BAIAP2: variants seen among roughly 807,000 people sequenced by gnomAD.
The protein encoded by BAIAP2 is BAR/IMD domain-containing adapter protein 2.
Under a neutral mutation model 63.0 loss-of-function variants are expected in BAIAP2, and 18 were observed. The ratio of observed to expected loss-of-function variants is 0.29; its 90% CI spans 0.20 to 0.42. BAIAP2 has a LOEUF of 0.42. Among genes scored for constraint, BAIAP2 ranks in the 10% least tolerant of loss-of-function variants. The pLI is 1.00. For synonymous variants in BAIAP2, 386 were observed against 307.6 expected (o/e 1.25, Z -2.67); for missense variants, 610 against 734.3 (o/e 0.83, Z 1.96).
chr17:81,097,116 C>T lies in BAIAP2; in HGVS notation c.490-2812C>T, dbSNP rs144220949. 4.1e-3 allele frequency among the ~76,000 whole-genome samples: 627 copies of T among 152,340 alleles called. 1 individual carries two copies. Among genetic ancestry groups the T allele is most frequent in the Non-Finnish European group, 6.6e-3 (449 of 68,028 alleles). Reference sequence around the variant, plus strand: ...ATCAAACTTCTCACTTCCTAAATGCCATCTCAGGTCCCCTTTAGGTGACCC... The same window carrying T: ...ATCAAACTTCTCACTTCCTAAATGCTATCTCAGGTCCCCTTTAGGTGACCC... On this transcript the variant is annotated intron_variant, in intron 6 of 13. Coordinates refer to ENST00000428708, the MANE Select transcript of BAIAP2 (RefSeq NM_001144888.2).
chr17:81,052,608 C>T (rs372515377), intron 1 of BAIAP2, among the ~76,000 whole-genome samples: 22 of 152,368 alleles, frequency 1.4e-4, no homozygotes, highest in African/African-American at 4.3e-4. Context: ...ATGGAACACT[C>T]GTCAAATAGC....
At chr17:81,041,447 G>A (rs1311444013) in intron 1 of BAIAP2, among the ~76,000 whole-genome samples, 1 of 152,240 alleles carries the variant, frequency 6.6e-6, no homozygotes, top group East Asian at 1.9e-4. Context: ...TTGGGGGAAA[G>A]GCTGTCAGTT....
At chr17:81,051,090 C>T (rs1048758207) in intron 1 of BAIAP2, among the ~76,000 whole-genome samples, 17 of 151,930 alleles carry the variant, frequency 1.1e-4, no homozygotes, top group Admixed American at 3.9e-4. Flanking sequence ...CTCCCTGCCC[C>T]GGCTCCCAGG....
chr17:81,040,956 A>G (rs2046994967), intron 1 of BAIAP2, among the ~76,000 whole-genome samples: 1 of 152,190 alleles, frequency 6.6e-6, no homozygotes, highest in Non-Finnish European at 1.5e-5. Flanking sequence ...GCCTGAGCCC[A>G]TGCTGTGCTG....
intron 1 of BAIAP2, among the ~76,000 whole-genome samples, chr17:81,037,557 A>T (rs2046449370): frequency 6.6e-6 from 1 of 152,248 alleles, no homozygotes. Flanking sequence ...GAGACCGCTG[A>T]GGCCACCGGT....
At chr17:81,111,038 C>T in intron 13 of BAIAP2, 1 of 1,569,222 alleles carries the variant, frequency 6.4e-7, no homozygotes, top group Non-Finnish European at 8.7e-7. Flanking sequence ...AGTCACGCAG[C>T]CTGGGTGGGG....
At chr17:81,057,565 C>T in intron 2 of BAIAP2, 1 of 974,544 alleles carries the variant, frequency 1.0e-6, no homozygotes, top group Non-Finnish European at 1.3e-6. Context: ...TAGTACAACA[C>T]TCCCTCCCCC....
intron 1 of BAIAP2, among the ~76,000 whole-genome samples, chr17:81,048,141 T>C (rs1307205327): frequency 6.6e-6 from 1 of 152,036 alleles, no homozygotes; most frequent in Non-Finnish European, 1.5e-5. Flanking sequence ...TCCCAGCACT[T>C]TGGGAGGCTG....
At chr17:81,091,926 G>C (rs1459289052) in intron 6 of BAIAP2, among the ~76,000 whole-genome samples, 2 of 151,666 alleles carry the variant, frequency 1.3e-5, no homozygotes, top group Non-Finnish European at 2.9e-5. Context: ...GCAGCCATGT[G>C]GGTGGTGCAT....
chr17:81,035,297 A>T lies in BAIAP2; in HGVS notation c.43A>T (p.Asn15Tyr). The T allele has an allele frequency of 6.6e-7, 1 of 1,504,978 alleles. No individual in the cohort carries two copies. The highest frequency in any genetic ancestry group is 1.4e-5 in the African/African-American group (1 of 68,996). The allele number at this position is 1,504,978 out of a possible 1,614,324, so 93.2% of individuals were successfully genotyped here. Residue 15 changes from asparagine (N) to tyrosine (Y), a missense_variant, in exon 1 of 14, where the codon AAT becomes TAT. By Grantham distance (143) the Asn-to-Tyr change is moderately radical. This residue lies in a region of BAIAP2 where 389 missense variants were observed against 455.6 expected (regional missense o/e 0.85). Coordinates refer to ENST00000428708, the MANE Select transcript of BAIAP2 (RefSeq NM_001144888.2). The part of the protein sequence containing the change: ...RSEEMHRLTE[N>Y]VYKTIMEQFN... ...AGAGGAGATGCACCGGCTCACGGAA[A>T]ATGTCTATAAGGTGAGCGCCCCCCG...
rs1214214995 is a variant in BAIAP2 at position 81,104,506 on chromosome 17, C to T, written c.1067-8C>T. On this transcript the variant is annotated splice_polypyrimidine_tract_variant and splice_region_variant and intron_variant, in intron 9 of 13. Coordinates refer to ENST00000428708, the MANE Select transcript of BAIAP2 (RefSeq NM_001144888.2). ...GGCAGTCCCCTTACCTGTCCCTTGT[C>T]CCAGCAGCCGAGAACAAGACTCTGC... 6.3e-7 allele frequency: 1 copy of T among 1,584,346 alleles called. No homozygotes were observed. The highest frequency in any genetic ancestry group is 1.3e-5 in the African/African-American group (1 of 74,610).
intron 1 of BAIAP2, among the ~76,000 whole-genome samples, chr17:81,043,059 G>GT (rs1288115054): frequency 6.6e-6 from 1 of 152,016 alleles, no homozygotes; most frequent in Non-Finnish European, 1.5e-5. Flanking sequence ...TAGAGATGGG[G>GT]TTTCACCATG....
intron 1 of BAIAP2, among the ~76,000 whole-genome samples, chr17:81,039,480 T>C (rs1160885785): frequency 1.3e-5 from 2 of 152,190 alleles, no homozygotes; most frequent in African/African-American, 2.4e-5. Context: ...GATGTGGCGC[T>C]TGTGGAGTTG....
rs372876191 is a variant in BAIAP2, at chr17:81,042,940, G to C, written c.54+7632G>C. Among the ~76,000 whole-genome samples the C allele has an allele frequency of 6.6e-5, 10 of 152,222 alleles. No individual in the cohort carries two copies. In the East Asian group the frequency reaches 1.7e-3, roughly 26 times the overall value. On this transcript the variant is annotated intron_variant, in intron 1 of 13. Transcript: ENST00000428708. ...GTTCTGTCACCCAGGCTGGAGTGCA[G>C]TGGTGTGACCTTGGCTTACTGCAGC...
At chr17:81,083,182 C>T (rs746140528) in intron 3 of BAIAP2, 20 of 152,382 alleles carry the variant, frequency 1.3e-4, no homozygotes, top group Non-Finnish European at 2.1e-4. Flanking sequence ...GGGGGCCTTG[C>T]TCTGGTTTCT....
rs550178351 is a variant in BAIAP2 at position 81,061,930 on chromosome 17, C to A, written c.217+3963C>A. Among the ~76,000 whole-genome samples, 5 of 152,222 alleles carry A rather than the reference C, an allele frequency of 3.3e-5. No homozygotes were observed. In the South Asian group the frequency reaches 1.0e-3, roughly 32 times the overall value. ...TTTGCTTTCAGTCTGGTGGGCCTTT[C>A]CTTTTTGTAATAGTGGTTTTAGTTT... On this transcript the variant is annotated intron_variant, in intron 3 of 13. Transcript: ENST00000428708.
At chr17:81,067,217 C>T (rs1328704037) in intron 3 of BAIAP2, among the ~76,000 whole-genome samples, 1 of 152,244 alleles carries the variant, frequency 6.6e-6, no homozygotes, top group African/African-American at 2.4e-5. Flanking sequence ...CAGGGGTGCT[C>T]CAGAGACAGC....
At chr17:81,049,148 G>A (rs371510950) in intron 1 of BAIAP2, among the ~76,000 whole-genome samples, 1 of 152,360 alleles carries the variant, frequency 6.6e-6, no homozygotes, top group African/African-American at 2.4e-5. Flanking sequence ...TGCACGCGCC[G>A]GGCTGCGTTT....
chr17:81,085,449 A>T (rs1350353636), intron 4 of BAIAP2: 3 of 688,672 alleles, frequency 4.4e-6, no homozygotes, highest in Non-Finnish European at 8.0e-6. Context: ...CCGACGTTCC[A>T]GACTCCTGTT....
Sources: gnomAD v4.1 joint callset for allele counts (sites outside exome capture counted in the v4.1 genomes callset) on GRCh38, gnomAD v4.1.1 for gene constraint, gnomAD v4.1.1 regional missense constraint, MANE v1.5 for transcripts, NCBI Gene and HGNC (gene_info 2026-07-23, HGNC 2026-07-21) for gene names.